Variants in SRD5A2 observed in about 807,000 individuals in gnomAD.
SRD5A2 encodes the protein 3-oxo-5-alpha-steroid 4-dehydrogenase 2.
SRD5A2 carries 30 observed loss-of-function variants against 27.4 expected under a neutral mutation model. That is an observed-to-expected ratio of 1.10 (90% confidence interval 0.82 to 1.49). SRD5A2 has a LOEUF of 1.49. Among genes scored for constraint, SRD5A2 ranks in the 40% most tolerant of loss-of-function variants. SRD5A2 has a pLI of 0.00. For missense variants in SRD5A2, 348 were observed against 323.4 expected, an observed-to-expected ratio of 1.08 and a Z score of -0.58; for synonymous variants, 141 against 133.6, an observed-to-expected ratio of 1.06 and a Z score of -0.38.
the SRD5A2 span, among the ~76,000 whole-genome samples, chr2:31,655,881 G>A: frequency 2.6e-5 from 4 of 152,144 alleles, no homozygotes; most frequent in Admixed American, 2.6e-4. Flanking sequence ...AAACTAATAA[G>A]CAATTTTCAA....
the SRD5A2 span, among the ~76,000 whole-genome samples, chr2:31,653,895 G>A: frequency 4.3e-4 from 66 of 152,218 alleles, no homozygotes; most frequent in East Asian, 0.01. Flanking sequence ...CTGACCTCAG[G>A]TGATCTGCCC....
the SRD5A2 span, among the ~76,000 whole-genome samples, chr2:31,624,381 T>C: frequency 1.3e-5 from 2 of 152,190 alleles, no homozygotes; most frequent in African/African-American, 4.8e-5. Flanking sequence ...TTTTTAATTC[T>C]ACTTTAAGTT....
At chr2:31,578,695 T>A (rs1450017890) in intron 1 of SRD5A2, among the ~76,000 whole-genome samples, 1 of 152,230 alleles carries the variant, frequency 6.6e-6, no homozygotes, top group African/African-American at 2.4e-5. Flanking sequence ...TCAGGCAGAA[T>A]GAATCTCCAA....
the SRD5A2 span, among the ~76,000 whole-genome samples, chr2:31,628,227 G>C: frequency 6.6e-6 from 1 of 151,920 alleles, no homozygotes. Context: ...ATTACATAAT[G>C]CTCTTGTCTT....
Position 31,533,013 on chromosome 2 carries a change from G to A in SRD5A2, c.445+590C>T, listed in dbSNP as rs577816138. On this transcript the variant is annotated intron_variant, in intron 2 of 4. Coordinates refer to ENST00000622030, the MANE Select transcript of SRD5A2 (RefSeq NM_000348.4). The stretch of plus-strand genomic sequence containing the variant: ...GCCACATGCAGCCCAGGACAGTTTT[G>A]GATGTGGCCTGACACAAATTCGTAC... Among the ~76,000 whole-genome samples, 17 of 152,272 alleles carry A rather than the reference G, an allele frequency of 1.1e-4. 1 individual carries two copies. Among genetic ancestry groups the A allele is most frequent in the Middle Eastern group, 3.4e-3 (1 of 294 alleles).
chr2:31,564,481 G>C (rs1237250433), intron 1 of SRD5A2, among the ~76,000 whole-genome samples: 1 of 151,962 alleles, frequency 6.6e-6, no homozygotes, highest in Non-Finnish European at 1.5e-5. Context: ...GGAGAAGTAG[G>C]GAGGGAATGA....
intron 1 of SRD5A2, among the ~76,000 whole-genome samples, chr2:31,550,980 G>GA (rs1418286126): frequency 3.3e-5 from 5 of 151,782 alleles, no homozygotes; most frequent in Non-Finnish European, 5.9e-5. Context: ...AAAATATACA[G>GA]AAAAAAACCC....
At chr2:31,583,155 C>T (rs2148108906), upstream of SRD5A2, among the ~76,000 whole-genome samples, 1 of 152,292 alleles carries the variant, frequency 6.6e-6, no homozygotes, top group Non-Finnish European at 1.5e-5. Context: ...CAAGTTAGAG[C>T]CCAGCTCCAG....
chr2:31,561,080 A>C (rs530780030), intron 1 of SRD5A2, among the ~76,000 whole-genome samples: 9 of 152,186 alleles, frequency 5.9e-5, no homozygotes, highest in Admixed American at 1.3e-4. Flanking sequence ...TGGGGAAAGC[A>C]AAGTGATTCC....
intron 1 of SRD5A2, among the ~76,000 whole-genome samples, chr2:31,540,702 C>A (rs1666112460): frequency 2.0e-5 from 3 of 152,192 alleles, no homozygotes; most frequent in Admixed American, 2.0e-4. Context: ...TGGTACATTG[C>A]AGTTAACTTT....
chr2:31,571,085 C>A (rs1313439429), intron 1 of SRD5A2, among the ~76,000 whole-genome samples: 1 of 152,056 alleles, frequency 6.6e-6, no homozygotes, highest in African/African-American at 2.4e-5. Context: ...GAAAAAAGAA[C>A]AAAGCTGGAG....
chr2:31,616,265 C>A, the SRD5A2 span, among the ~76,000 whole-genome samples: 6 of 152,184 alleles, frequency 3.9e-5, no homozygotes, highest in African/African-American at 1.4e-4. Flanking sequence ...GAAGCCCATA[C>A]ACAGAGTCCC....
chr2:31,578,935 C>T (rs983858479), intron 1 of SRD5A2, among the ~76,000 whole-genome samples: 107 of 152,216 alleles, frequency 7.0e-4, no homozygotes, highest in Non-Finnish European at 5.3e-4. Context: ...ATGTTGCCAA[C>T]ATACAGTAGT....
At chr2:31,580,555 G>A (rs771649794) in intron 1 of SRD5A2, 65 bp downstream of exon 1, 224 of 1,425,678 alleles carry the variant, frequency 1.6e-4, no homozygotes, top group Non-Finnish European at 1.9e-4. Context: ...GCTCCACGCT[G>A]CGCTCCTGGA....
At chr2:31,529,702 T>C (rs1665862888) in intron 3 of SRD5A2, among the ~76,000 whole-genome samples, 1 of 152,104 alleles carries the variant, frequency 6.6e-6, no homozygotes, top group Admixed American at 6.5e-5. Context: ...ACGGGCTCTA[T>C]CCAAATCTCT....
intron 4 of SRD5A2, among the ~76,000 whole-genome samples, chr2:31,529,036 A>G (rs981843917): frequency 3.3e-5 from 5 of 152,254 alleles, no homozygotes; most frequent in Non-Finnish European, 5.9e-5. Context: ...AGACAGGCAC[A>G]GGACCTTCCC....
upstream of SRD5A2, among the ~76,000 whole-genome samples, chr2:31,584,860 G>T (rs1247067755): frequency 6.6e-6 from 1 of 152,212 alleles, no homozygotes; most frequent in African/African-American, 2.4e-5. Context: ...AGCACTTGCA[G>T]TACCTGCTTT....
At chr2:31,605,090 A>T in the SRD5A2 span, among the ~76,000 whole-genome samples, 1 of 151,820 alleles carries the variant, frequency 6.6e-6, no homozygotes, top group Non-Finnish European at 1.5e-5. Flanking sequence ...GGGAAAACTG[A>T]ATATCAATAG....
the SRD5A2 span, among the ~76,000 whole-genome samples, chr2:31,627,150 G>A: frequency 6.6e-6 from 1 of 152,104 alleles, no homozygotes; most frequent in Admixed American, 6.6e-5. Flanking sequence ...TTGCATATAA[G>A]TATTTATAGT....
Sources: gnomAD v4.1 joint callset for allele counts (sites outside exome capture counted in the v4.1 genomes callset) on GRCh38, gnomAD v4.1.1 for gene constraint, MANE v1.5 for transcripts, NCBI Gene and HGNC (gene_info 2026-07-23, HGNC 2026-07-21) for gene names.